The following ZNF536 variants were observed in gnomAD, a reference collection of about 807,000 sequenced individuals.
The protein encoded by ZNF536 is zinc finger protein 536.
A neutral mutation model predicts 84.5 loss-of-function variants in ZNF536; 13 were observed. The ratio of observed to expected loss-of-function variants is 0.15; its 90% confidence interval spans 0.10 to 0.24. The LOEUF (loss-of-function observed/expected upper bound fraction) is 0.24, where lower values mean the gene tolerates loss of function less well. Among genes scored for constraint, ZNF536 ranks in the 10% least tolerant of loss-of-function variants. The pLI is 1.00. For synonymous variants in ZNF536, 811 were observed against 742.5 expected (o/e 1.09, Z -1.50); for missense variants, 1,536 against 1,747.5 (o/e 0.88, Z 2.16).
intron 2 of ZNF536, among the ~76,000 whole-genome samples, chr19:30,488,999 T>C (rs1188208482): frequency 3.3e-5 from 5 of 152,166 alleles, no homozygotes; most frequent in Non-Finnish European, 7.3e-5. Context: ...AAATAGATCA[T>C]GGAAAATCAG....
chr19:30,648,711 GA>G (rs1173992516), intron 1 of ZNF536, among the ~76,000 whole-genome samples: 1 of 152,180 alleles, frequency 6.6e-6, no homozygotes, highest in Non-Finnish European at 1.5e-5. Context: ...ACAAGGATTT[GA>G]AATTTTAAAA....
chr19:30,493,244 C>T (rs1046265831), intron 2 of ZNF536, among the ~76,000 whole-genome samples: 1 of 151,896 alleles, frequency 6.6e-6, no homozygotes, highest in Non-Finnish European at 1.5e-5. Context: ...TCCTCCCCTG[C>T]CCAGTCACCA....
At chr19:30,461,933 C>T (rs746158974) in intron 2 of ZNF536, among the ~76,000 whole-genome samples, 1 of 152,128 alleles carries the variant, frequency 6.6e-6, no homozygotes, top group Non-Finnish European at 1.5e-5. Flanking sequence ...CTCTCCACCC[C>T]CACCCCTTCT....
chr19:30,337,120 C>T (rs2047406268), intron 2 of ZNF536, among the ~76,000 whole-genome samples: 1 of 152,072 alleles, frequency 6.6e-6, no homozygotes, highest in Non-Finnish European at 1.5e-5. Context: ...TCTCCTTTAC[C>T]CCGGAGTTAG....
At position 30,402,155 on chromosome 19, in the gene ZNF536, C is replaced by A. The variant is rs934062051; in HGVS notation, c.-3+29599C>A. Among the ~76,000 whole-genome samples the A allele has an allele frequency of 1.3e-4, 20 of 152,120 alleles. No homozygotes were observed. The East Asian group carries it at 3.9e-3, about 30-fold the overall frequency. ...ATTTTTCATGTATGCATACTAGCAA[C>A]GGTAAACACTTGCGAGTGTAAAGAA... On this transcript the variant is annotated intron_variant, in intron 1 of 4. Coordinates refer to ENST00000355537, the MANE Select transcript of ZNF536 (RefSeq NM_014717.3).
At chr19:30,363,855 C>A (rs990289520) in intron 3 of ZNF536, among the ~76,000 whole-genome samples, 2 of 152,036 alleles carry the variant, frequency 1.3e-5, no homozygotes, top group South Asian at 2.1e-4. Context: ...ATTCACCAAT[C>A]GAGATGGGAG....
intron 1 of ZNF536, among the ~76,000 whole-genome samples, chr19:30,413,531 T>A (rs2050584317): frequency 6.6e-6 from 1 of 152,200 alleles, no homozygotes; most frequent in Admixed American, 6.5e-5. Context: ...ATTTTTGAGA[T>A]GTTGCATGGA....
intron 2 of ZNF536, among the ~76,000 whole-genome samples, chr19:30,297,903 TC>T (rs11291289): frequency 0.28 from 34,913 of 126,208 alleles, 5,336 homozygotes; most frequent in East Asian, 0.57. Flanking sequence ...CAAGACGGAG[TC>T]CCCCCCCCCT....
intron 1 of ZNF536, among the ~76,000 whole-genome samples, chr19:30,275,826 GGT>G (rs1357047048): frequency 7.8e-6 from 1 of 127,502 alleles, no homozygotes; most frequent in Non-Finnish European, 1.7e-5. Flanking sequence ...GCCCTCAGAA[GGT>G]GTGTGTGTGT....
At chr19:30,387,518 C>T (rs1194449799) in intron 1 of ZNF536, among the ~76,000 whole-genome samples, 2 of 152,206 alleles carry the variant, frequency 1.3e-5, no homozygotes, top group Non-Finnish European at 2.9e-5. Context: ...ACGAGCTTGG[C>T]TTACATCTGC....
chr19:30,674,986 C>T (rs769439693), intron 1 of ZNF536, among the ~76,000 whole-genome samples: 1 of 152,138 alleles, frequency 6.6e-6, no homozygotes, highest in African/African-American at 2.4e-5. Flanking sequence ...TGAGAAACTC[C>T]TGCAGCTGAA....
rs370767884 is a variant in ZNF536 at position 30,316,185 on chromosome 19, C to T, written c.-120+32044C>T. The stretch of plus-strand genomic sequence containing the variant: ...GTATATATTCTAATTCTTTAATAGA[C>T]GCCACCAAATTTCCTTCCAAGTAAT... On this transcript the variant is annotated intron_variant, in intron 2 of 5. Coordinates refer to the ZNF536 transcript ENST00000585628. Among the ~76,000 whole-genome samples the T allele has an allele frequency of 2.0e-4, 30 of 152,276 alleles. No homozygotes were observed. In the East Asian group the frequency reaches 2.5e-3, roughly 13 times the overall value.
chr19:30,353,531 C>A (rs996788350), intron 3 of ZNF536, among the ~76,000 whole-genome samples: 1 of 151,770 alleles, frequency 6.6e-6, no homozygotes. Context: ...GAGCAGCCCC[C>A]CCCTGGCACC....
chr19:30,516,309 G>A (rs892550306), intron 2 of ZNF536, among the ~76,000 whole-genome samples: 1 of 152,164 alleles, frequency 6.6e-6, no homozygotes, highest in Non-Finnish European at 1.5e-5. Flanking sequence ...CTCCCTGCAC[G>A]GACCAGCCGG....
At chr19:30,316,400 C>G (rs2046679146) in intron 2 of ZNF536, among the ~76,000 whole-genome samples, 1 of 152,124 alleles carries the variant, frequency 6.6e-6, no homozygotes, top group African/African-American at 2.4e-5. Flanking sequence ...TCTGTATTGC[C>G]CACTCTAATG....
intron 2 of ZNF536, among the ~76,000 whole-genome samples, chr19:30,513,586 A>G (rs1455975677): frequency 1.3e-5 from 2 of 152,234 alleles, no homozygotes; most frequent in African/African-American, 2.4e-5. Flanking sequence ...CTGGTCTATG[A>G]TGAAGAGAGG....
downstream of ZNF536, among the ~76,000 whole-genome samples, chr19:30,562,748 C>T (rs572094374): frequency 5.9e-5 from 9 of 151,962 alleles, no homozygotes; most frequent in African/African-American, 9.7e-5. Flanking sequence ...CCGAGAGATA[C>T]GGGCTCAGGC....
intron 1 of ZNF536, among the ~76,000 whole-genome samples, chr19:30,563,895 A>G (rs1032341560): frequency 1.3e-5 from 2 of 152,166 alleles, no homozygotes; most frequent in African/African-American, 4.8e-5. Flanking sequence ...TGGGGCACAC[A>G]GGCCTGGAAC....
At chr19:30,315,399 GA>G (rs2046645508) in intron 2 of ZNF536, among the ~76,000 whole-genome samples, 1 of 152,138 alleles carries the variant, frequency 6.6e-6, no homozygotes, top group Non-Finnish European at 1.5e-5. Context: ...AATTGAGTCA[GA>G]GTTTTATATG....
Sources: allele counts gnomAD v4.1 joint callset (sites outside exome capture counted in the v4.1 genomes callset), GRCh38; gene constraint gnomAD v4.1.1; transcripts MANE v1.5; gene names NCBI Gene and HGNC (gene_info 2026-07-23, HGNC 2026-07-21).